The following DPP6 variants were observed in gnomAD, a reference collection of about 807,000 sequenced individuals.
DPP6 encodes the protein dipeptidyl peptidase like 6, also known as A-type potassium channel modulatory protein DPP6.
Under a neutral mutation model 122.6 loss-of-function variants are expected in DPP6, and 69 were observed. That is an observed-to-expected ratio of 0.56 (90% CI 0.46 to 0.69). The LOEUF is 0.69. Among genes scored for constraint, DPP6 ranks in the 30% least tolerant of loss-of-function variants. DPP6 has a pLI of 0.00. For missense variants in DPP6, 928 were observed against 1,116.9 expected (o/e 0.83, Z 2.41); for synonymous variants, 418 against 433.1 (o/e 0.97, Z 0.43).
chr7:154,551,714 C>T (rs945020254), intron 4 of DPP6, among the ~76,000 whole-genome samples: 2 of 152,014 alleles, frequency 1.3e-5, no homozygotes, highest in Admixed American at 6.5e-5. Context: ...TCATACATTT[C>T]CCTCTTTTGA....
At chr7:154,562,380 T>C (rs1478782281) in intron 4 of DPP6, among the ~76,000 whole-genome samples, 3 of 152,102 alleles carry the variant, frequency 2.0e-5, no homozygotes, top group African/African-American at 7.2e-5. Context: ...AGAAAAAGCA[T>C]TTGAGAAAAT....
the DPP6 span, among the ~76,000 whole-genome samples, chr7:153,842,460 T>G: frequency 6.6e-6 from 1 of 151,862 alleles, no homozygotes; most frequent in Non-Finnish European, 1.5e-5. Context: ...AGATACAGGG[T>G]TTTTTTTATT....
chr7:153,920,043 A>G (rs964648749), intron 1 of DPP6, among the ~76,000 whole-genome samples: 2 of 152,248 alleles, frequency 1.3e-5, no homozygotes, highest in Non-Finnish European at 2.9e-5. Context: ...AATGTCCTGC[A>G]GTAGTAATGA....
chr7:153,942,293 A>T (rs976319545), intron 1 of DPP6, among the ~76,000 whole-genome samples: 1 of 152,142 alleles, frequency 6.6e-6, no homozygotes, highest in African/African-American at 2.4e-5. Context: ...TCTCCTTGCG[A>T]CTTACAAGAA....
rs148161695 is a variant in DPP6, at chr7:154,081,933, G to A, written c.243+28870G>A. On this transcript the variant is annotated intron_variant, in intron 1 of 25. Transcript: ENST00000377770. ...TAAGGTCATTACTGAAGACTTTCTG[G>A]AGCCACCTCTTTCTTGGGGACGTCT... Among the ~76,000 whole-genome samples, 1,447 of 152,238 alleles carry A rather than the reference G, an allele frequency of 9.5e-3. 27 individuals are homozygous for A. Among genetic ancestry groups the A allele is most frequent in the African/African-American group, 0.032 (1,338 of 41,544 alleles).
intron 1 of DPP6, among the ~76,000 whole-genome samples, chr7:154,378,509 C>G (rs374306742): frequency 1.3e-5 from 2 of 152,288 alleles, no homozygotes; most frequent in East Asian, 1.9e-4. Context: ...GATCAAGGTG[C>G]CCACAGACCT....
intron 7 of DPP6, among the ~76,000 whole-genome samples, chr7:154,721,104 G>T (rs2131342509): frequency 6.6e-6 from 1 of 152,324 alleles, no homozygotes; most frequent in South Asian, 2.1e-4. Flanking sequence ...TGTGAGAGGT[G>T]GCATCCTGAT....
chr7:154,846,844 C>A (rs557170617), intron 16 of DPP6, among the ~76,000 whole-genome samples: 2 of 152,188 alleles, frequency 1.3e-5, no homozygotes, highest in East Asian at 1.9e-4. Context: ...TAGTATTAAC[C>A]CTTCTGCTAC....
At chr7:154,560,193 T>C (rs544397230) in intron 4 of DPP6, among the ~76,000 whole-genome samples, 1 of 152,178 alleles carries the variant, frequency 6.6e-6, no homozygotes, top group East Asian at 1.9e-4. Context: ...GAAATTTTTG[T>C]AGAATTAGTT....
chr7:154,458,944 A>G (rs1261142881), intron 2 of DPP6, among the ~76,000 whole-genome samples: 6 of 152,226 alleles, frequency 3.9e-5, no homozygotes, highest in Non-Finnish European at 8.8e-5. Flanking sequence ...AGGAAATGAA[A>G]TTCTTTCAAA....
At chr7:154,264,856 GATA>G (rs374165906) in intron 1 of DPP6, among the ~76,000 whole-genome samples, 1 of 122,084 alleles carries the variant, frequency 8.2e-6, no homozygotes, top group East Asian at 2.5e-4. Context: ...TGATGATAGT[GATA>G]ATGATGGTGA....
the DPP6 span, among the ~76,000 whole-genome samples, chr7:153,790,203 A>T: frequency 9.9e-5 from 15 of 152,104 alleles, no homozygotes; most frequent in African/African-American, 3.4e-4. Context: ...CAACTTTAAA[A>T]GATCTTGGAG....
chr7:154,870,072 C>T lies in DPP6; in HGVS notation c.1813+1979C>T, dbSNP rs910441764. ...TTGGGTTACTGCAGCCTTGACCTCCCGAGCTCAAGTGATCCTCCCACCTCA... is the reference window on the plus strand; with the variant it reads ...TTGGGTTACTGCAGCCTTGACCTCCTGAGCTCAAGTGATCCTCCCACCTCA... On this transcript the variant is annotated intron_variant, in intron 18 of 25. Transcript: ENST00000377770. 1.3e-4 allele frequency among the ~76,000 whole-genome samples: 19 copies of T among 151,830 alleles called. No individual in the cohort carries two copies. The East Asian group carries it at 1.9e-3, about 16-fold the overall frequency.
chr7:153,926,138 T>G (rs967330456), intron 1 of DPP6, among the ~76,000 whole-genome samples: 4 of 152,212 alleles, frequency 2.6e-5, no homozygotes, highest in Non-Finnish European at 5.9e-5. Flanking sequence ...TCTAAGGTAG[T>G]TGACATTCCC....
chr7:154,801,397 T>A lies in DPP6; in HGVS notation c.1342T>A (p.Phe448Ile), dbSNP rs748481670. The change falls in exon 13 of 26, where the codon TTC becomes ATC. Residue 448 changes from phenylalanine to isoleucine, a missense_variant. Physicochemically the swap from Phe to Ile is conservative, Grantham distance 21. Transcript: ENST00000377770. The part of the protein sequence containing the change: ...VFSKDGRKFF[F>I]IRAIPQGGRG... Reference sequence around the variant, plus strand: ...CTCCAAGGATGGCCGAAAGTTTTTCTTCATCAGAGCCATCCCCCAGGGAGG... The same window carrying A: ...CTCCAAGGATGGCCGAAAGTTTTTCATCATCAGAGCCATCCCCCAGGGAGG... 1 of 1,597,982 alleles carries A rather than the reference T, an allele frequency of 6.3e-7. No homozygotes were observed. The highest frequency in any genetic ancestry group is 1.1e-5 in the South Asian group (1 of 87,682).
intron 1 of DPP6, among the ~76,000 whole-genome samples, chr7:153,933,043 TG>T (rs1801246515): frequency 6.6e-6 from 1 of 152,202 alleles, no homozygotes; most frequent in Non-Finnish European, 1.5e-5. Context: ...GATGTATCTT[TG>T]CTCCTCCTTC....
intron 1 of DPP6, among the ~76,000 whole-genome samples, chr7:153,959,115 G>C (rs374049079): frequency 3.6e-4 from 55 of 152,062 alleles, no homozygotes; most frequent in African/African-American, 7.2e-4. Context: ...GTTCCCATCC[G>C]ATGCTTCTGG....
intron 1 of DPP6, among the ~76,000 whole-genome samples, chr7:154,385,026 A>G (rs982515245): frequency 6.6e-6 from 1 of 152,116 alleles, no homozygotes; most frequent in Non-Finnish European, 1.5e-5. Context: ...CCAGGAGTGC[A>G]GTGGTGCGAT....
chr7:154,103,404 G>A (rs969283932), intron 1 of DPP6, among the ~76,000 whole-genome samples: 2 of 152,142 alleles, frequency 1.3e-5, no homozygotes, highest in Non-Finnish European at 2.9e-5. Context: ...GTATAGGAGG[G>A]GAAATTATAA....
Sources: allele counts gnomAD v4.1 joint callset (sites outside exome capture counted in the v4.1 genomes callset), GRCh38; gene constraint gnomAD v4.1.1; transcripts MANE v1.5; gene names NCBI Gene and HGNC (gene_info 2026-07-23, HGNC 2026-07-21).